PI4K2B: variants seen among roughly 807,000 people sequenced by gnomAD.
PI4K2B encodes the protein phosphatidylinositol 4-kinase type 2-beta.
PI4K2B carries 46 observed loss-of-function variants against 56.6 expected under a neutral mutation model. The observed-to-expected ratio is 0.81, with a 90% CI of 0.64 to 1.04. The LOEUF (loss-of-function observed/expected upper bound fraction) is 1.04, where lower values mean the gene tolerates loss of function less well. Among genes scored for constraint, PI4K2B ranks in the 50% least tolerant of loss-of-function variants. The pLI is 0.00. For missense variants in PI4K2B, 556 were observed against 607.7 expected, an observed-to-expected ratio of 0.91 and a Z score of 0.89; for synonymous variants, 211 against 223.8, an observed-to-expected ratio of 0.94 and a Z score of 0.51.
At chr4:25,276,862 A>G in intron 9 of PI4K2B, 152 bp from the exon 10 acceptor site, 1 of 1,333,826 alleles carries the variant, frequency 7.5e-7, no homozygotes, top group African/African-American at 1.5e-5. Flanking sequence ...CATTCATATA[A>G]TACATATTTA....
intron 9 of PI4K2B, among the ~76,000 whole-genome samples, chr4:25,272,419 C>T (rs1716932828): frequency 6.6e-6 from 1 of 152,094 alleles, no homozygotes; most frequent in African/African-American, 2.4e-5. Context: ...TGATTTTGAG[C>T]TTTCCGATAG....
intron 4 of PI4K2B, among the ~76,000 whole-genome samples, chr4:25,258,685 C>T (rs960762767): frequency 1.3e-5 from 2 of 151,910 alleles, no homozygotes; most frequent in Admixed American, 6.6e-5. Flanking sequence ...TAAAATTTGG[C>T]CTCCATAATT....
chr4:25,249,470 GCCGGGCGGGGGCTGCCCCCCGCCTC>G (rs1484427366), intron 1 of PI4K2B, among the ~76,000 whole-genome samples: 2 of 146,446 alleles, frequency 1.4e-5, no homozygotes, highest in Middle Eastern at 3.5e-3. Flanking sequence ...GGGGCGGCTG[GCCGGGCGGGGGCTGCCCCCCGCCTC>G]CCGGACGGGG....
At position 25,234,297 on chromosome 4, in the gene PI4K2B, G is replaced by C; in HGVS notation, c.134G>C (p.Ser45Thr). Residue 45 changes from serine (S) to threonine (T), a missense_variant, in exon 1 of 10, where the codon AGC becomes ACC. Ser to Thr is a moderately conservative substitution (Grantham distance 58). Coordinates refer to ENST00000264864, the MANE Select transcript of PI4K2B (RefSeq NM_018323.4). Reference protein sequence around the residue: ...WAHPRRGAPGSAVRLLDAAGE... With the variant: ...WAHPRRGAPGTAVRLLDAAGE... ...CACCCGCGGAGAGGCGCCCCAGGCA[G>C]CGCCGTGAGGCTGCTGGACGCTGCC... The C allele has an allele frequency of 7.1e-7, 1 of 1,417,330 alleles. No individual in the cohort carries two copies. The highest frequency in any genetic ancestry group is 9.2e-7 in the Non-Finnish European group (1 of 1,082,224). The allele number at this position is 1,417,330 out of a possible 1,614,324, so 87.8% of individuals were successfully genotyped here.
chr4:25,260,772 T>C (rs28420829), intron 6 of PI4K2B, among the ~76,000 whole-genome samples, 181 bp downstream of exon 6: 79,848 of 150,060 alleles, frequency 0.53, 22,283 homozygotes, highest in Non-Finnish European at 0.61. Context: ...CATTTCCTCC[T>C]TCTTTCACTT....
chr4:25,258,932 A>T lies in PI4K2B; in HGVS notation c.757-105A>T, dbSNP rs1428175933. The T allele has an allele frequency of 9.2e-6, 5 of 540,868 alleles. No homozygotes were observed. In the East Asian group the frequency reaches 1.5e-4, roughly 16 times the overall value. The allele number at this position is 540,868 out of a possible 1,614,324, so 33.5% of individuals were successfully genotyped here. On this transcript the variant is annotated intron_variant, in intron 4 of 9. Coordinates refer to ENST00000264864, the MANE Select transcript of PI4K2B (RefSeq NM_018323.4). Reference sequence around the variant, plus strand: ...ATCTAAATTAGTGTTAAGTTTTCTTATTGTGTTTACATGACATATTTTTTG... The same window carrying T: ...ATCTAAATTAGTGTTAAGTTTTCTTTTTGTGTTTACATGACATATTTTTTG...
At chr4:25,241,923 C>T (rs538826791) in intron 1 of PI4K2B, among the ~76,000 whole-genome samples, 1 of 152,268 alleles carries the variant, frequency 6.6e-6, no homozygotes, top group African/African-American at 2.4e-5. Flanking sequence ...CCTCTGGTTC[C>T]CATTCTACTA....
rs1368897229 is a variant in PI4K2B, at chr4:25,246,809, C to T, written c.269-5512C>T. On this transcript the variant is annotated intron_variant, in intron 1 of 9. Coordinates refer to ENST00000264864, the MANE Select transcript of PI4K2B (RefSeq NM_018323.4). ...AGGCCCTGCGAGAAATTGAGCGCAG[C>T]GCTGGCCCAGGGGGACCCAGCAGCA... Among the ~76,000 whole-genome samples, 7 of 152,336 alleles carry T rather than the reference C, an allele frequency of 4.6e-5. No homozygotes were observed. In the South Asian group the frequency reaches 1.4e-3, roughly 32 times the overall value.
intron 9 of PI4K2B, chr4:25,276,681 T>A (rs1717107186): frequency 1.0e-6 from 1 of 984,282 alleles, no homozygotes; most frequent in African/African-American, 1.7e-5. Context: ...TTATGTTAAA[T>A]TGAATATGTA....
chr4:25,277,289 CA>C lies in PI4K2B; in HGVS notation c.*104del. The C allele has an allele frequency of 1.5e-6, 2 of 1,326,548 alleles. No individual in the cohort carries two copies. Among genetic ancestry groups the C allele is most frequent in the Middle Eastern group, 2.1e-4 (1 of 4,800 alleles). 82.2% of individuals were successfully genotyped at this position (1,326,548 alleles called of 1,614,324 possible). A position where few individuals can be genotyped will look rare whatever the true frequency, so the allele number is the denominator to read the frequency against. On this transcript the variant is annotated 3_prime_UTR_variant, in exon 10 of 10. Transcript: ENST00000264864. ...TTAGGAGCTCCAGTTGCTAAAACCT[CA>C]ATTTAAGTCTTTAAAAGGTTGTATT...
chr4:25,253,764 G>A (rs950627522), intron 2 of PI4K2B, among the ~76,000 whole-genome samples: 5 of 152,084 alleles, frequency 3.3e-5, no homozygotes, highest in Admixed American at 2.6e-4. Context: ...TTTTTAATAC[G>A]AGAGAATTTA....
chr4:25,253,397 C>T (rs954471230), intron 2 of PI4K2B, among the ~76,000 whole-genome samples: 1 of 152,060 alleles, frequency 6.6e-6, no homozygotes, highest in Non-Finnish European at 1.5e-5. Flanking sequence ...GTTCTTTTCT[C>T]CAGGGGAATA....
chr4:25,246,714 A>G (rs1715798777), intron 1 of PI4K2B, among the ~76,000 whole-genome samples: 1 of 152,204 alleles, frequency 6.6e-6, no homozygotes, highest in East Asian at 1.9e-4. Context: ...ACAGGAGCCC[A>G]CGGCGGCGGG....
rs1716225545 is a variant in PI4K2B, at chr4:25,255,383, G to A, written c.624+118G>A. The A allele has an allele frequency of 1.5e-5, 12 of 789,192 alleles. 1 individual carries two copies. The Admixed American group carries it at 2.8e-4, about 18-fold the overall frequency. The allele number at this position is 789,192 out of a possible 1,614,324, so 48.9% of individuals were successfully genotyped here. On this transcript the variant is annotated intron_variant, in intron 3 of 9. Transcript: ENST00000264864. Reference sequence around the variant, plus strand: ...AAGTGGAGCCCCTTTTTTGGTAGTAGTCCAAGAGTCATGAGTGACTGGTAA... The same window carrying A: ...AAGTGGAGCCCCTTTTTTGGTAGTAATCCAAGAGTCATGAGTGACTGGTAA...
intron 7 of PI4K2B, 112 bp from the exon 8 acceptor site, chr4:25,268,331 A>C: frequency 1.2e-6 from 1 of 838,968 alleles, no homozygotes; most frequent in South Asian, 1.6e-5. Flanking sequence ...TTAAGTTCTT[A>C]TCCTGTCCTT....
chr4:25,248,809 AT>A (rs1218378768), intron 1 of PI4K2B, among the ~76,000 whole-genome samples: 2 of 151,862 alleles, frequency 1.3e-5, no homozygotes, highest in African/African-American at 2.4e-5. Context: ...TTTTATTTTT[AT>A]TTTTTTAATT....
At chr4:25,247,997 C>G (rs1715868241) in intron 1 of PI4K2B, among the ~76,000 whole-genome samples, 1 of 152,158 alleles carries the variant, frequency 6.6e-6, no homozygotes, top group Non-Finnish European at 1.5e-5. Flanking sequence ...GCCACTGCAC[C>G]CCAGCCAGTG....
rs6850209 is a variant in PI4K2B at position 25,267,692 on chromosome 4, C to G, written c.1079-751C>G. 3.7e-4 allele frequency: 273 copies of G among 730,146 alleles called. No individual in the cohort carries two copies. The African/African-American group carries it at 5.0e-3, about 13-fold the overall frequency. 45.2% of individuals were successfully genotyped at this position (730,146 alleles called of 1,614,324 possible). A position where few individuals can be genotyped will look rare whatever the true frequency, so the allele number is the denominator to read the frequency against. The stretch of plus-strand genomic sequence containing the variant: ...CTCTTGCAGGAATCTGAATATGCAC[C>G]CTCTCTAGAAGATTATACCTGTACA... On this transcript the variant is annotated intron_variant, in intron 7 of 9. Coordinates refer to ENST00000264864, the MANE Select transcript of PI4K2B (RefSeq NM_018323.4).
At chr4:25,272,101 C>T (rs967066558) in intron 9 of PI4K2B, among the ~76,000 whole-genome samples, 4 of 151,662 alleles carry the variant, frequency 2.6e-5, no homozygotes, top group African/African-American at 7.3e-5. Flanking sequence ...GCTGAGATTG[C>T]GCCACTGCAC....
Sources: allele counts gnomAD v4.1 joint callset (sites outside exome capture counted in the v4.1 genomes callset), GRCh38; gene constraint gnomAD v4.1.1; transcripts MANE v1.5; gene names NCBI Gene and HGNC (gene_info 2026-07-23, HGNC 2026-07-21).